Variants in MAPK4 observed in about 807,000 individuals in gnomAD.
The protein encoded by MAPK4 is mitogen-activated protein kinase 4.
A neutral mutation model predicts 47.7 loss-of-function variants in MAPK4; 22 were observed. The observed-to-expected ratio is 0.46, with a 90% CI of 0.33 to 0.66. The LOEUF (loss-of-function observed/expected upper bound fraction) is 0.66, where lower values mean the gene tolerates loss of function less well. Ranked by LOEUF, MAPK4 falls within the 30% of genes least tolerant of loss-of-function variation. The probability of loss-of-function intolerance (pLI) is 0.02; values close to 1 mark genes in which losing one functional copy is unlikely to be tolerated. For missense variants in MAPK4, 736 were observed against 831.7 expected, an observed-to-expected ratio of 0.88 and a Z score of 1.42; for synonymous variants, 390 against 365.7, an observed-to-expected ratio of 1.07 and a Z score of -0.76.
chr18:50,622,114 A>G (rs1303987295), intron 1 of MAPK4, among the ~76,000 whole-genome samples: 1 of 152,224 alleles, frequency 6.6e-6, no homozygotes, highest in Non-Finnish European at 1.5e-5. Context: ...GGACAAATCA[A>G]AAGTGGGTCA....
intron 1 of MAPK4, among the ~76,000 whole-genome samples, chr18:50,635,222 C>G (rs2042873368): frequency 6.6e-6 from 1 of 152,174 alleles, no homozygotes; most frequent in African/African-American, 2.4e-5. Context: ...GATTCTGAAA[C>G]CAAACCCAGA....
chr18:50,566,275 C>G (rs904576492), intron 1 of MAPK4, among the ~76,000 whole-genome samples: 4 of 152,146 alleles, frequency 2.6e-5, no homozygotes, highest in Non-Finnish European at 5.9e-5. Flanking sequence ...GAGTTGAGAC[C>G]TGTTTGGAGA....
chr18:50,624,770 C>T (rs2042761852), intron 1 of MAPK4, among the ~76,000 whole-genome samples: 1 of 151,932 alleles, frequency 6.6e-6, no homozygotes, highest in Admixed American at 6.6e-5. Context: ...TGTTTTAAGA[C>T]AGATCTCTTC....
chr18:50,567,827 A>T lies in MAPK4; in HGVS notation c.-871+7584A>T, dbSNP rs60238951. ...ATCTATTTGAGTGTAGTGTTTTTTT[A>T]AAAAAAAAAAATGACCTGTCATTTG... On this transcript the variant is annotated intron_variant, in intron 1 of 5. Transcript: ENST00000400384. Among the ~76,000 whole-genome samples the T allele has an allele frequency of 8.2e-3, 962 of 117,446 alleles. 8 individuals are homozygous for T. The highest frequency in any genetic ancestry group is 0.011 in the Admixed American group (136 of 12,578). The allele number at this position is 117,446 out of a possible 152,430, so 77.0% of individuals were successfully genotyped here.
At position 50,643,627 on chromosome 18, in the gene MAPK4, A is replaced by G. The variant is rs566345123; in HGVS notation, c.-870-19462A>G. 2.0e-4 allele frequency among the ~76,000 whole-genome samples: 31 copies of G among 152,348 alleles called. 1 individual carries two copies. The South Asian group carries it at 5.0e-3, about 24-fold the overall frequency. On this transcript the variant is annotated intron_variant, in intron 1 of 5. Coordinates refer to ENST00000400384, the MANE Select transcript of MAPK4 (RefSeq NM_002747.4). ...CCTCAGAACTGCCACTTGAGGCTTA[A>G]GAGGATGGAGATGGGAGGGAGAAGG...
intron 2 of MAPK4, among the ~76,000 whole-genome samples, chr18:50,674,505 C>A (rs185904207): frequency 6.6e-6 from 1 of 152,102 alleles, no homozygotes; most frequent in African/African-American, 2.4e-5. Context: ...TCGCCTCATC[C>A]GCTGCCACTC....
chr18:50,697,024 C>T (rs1909550660), intron 2 of MAPK4, among the ~76,000 whole-genome samples: 1 of 151,956 alleles, frequency 6.6e-6, no homozygotes, highest in South Asian at 2.1e-4. Flanking sequence ...GCAGCATCAG[C>T]ATCCCCTCGG....
At chr18:50,649,678 G>A (rs1197910392) in intron 1 of MAPK4, among the ~76,000 whole-genome samples, 1 of 152,188 alleles carries the variant, frequency 6.6e-6, no homozygotes, top group Non-Finnish European at 1.5e-5. Context: ...TGGGTTAAAG[G>A]CAATATCTAT....
At chr18:50,584,608 G>T (rs1371531672) in intron 1 of MAPK4, among the ~76,000 whole-genome samples, 1 of 152,232 alleles carries the variant, frequency 6.6e-6, no homozygotes, top group African/African-American at 2.4e-5. Flanking sequence ...TGCAGTGTTT[G>T]TCCTTGTGGC....
chr18:50,602,211 G>A (rs186061161), intron 1 of MAPK4, among the ~76,000 whole-genome samples: 15 of 152,250 alleles, frequency 9.9e-5, no homozygotes, highest in Non-Finnish European at 1.8e-4. Flanking sequence ...CAAGTACATC[G>A]TAGGTCCCAA....
chr18:50,639,115 C>T (rs764140627), intron 1 of MAPK4, among the ~76,000 whole-genome samples: 1 of 152,302 alleles, frequency 6.6e-6, no homozygotes, highest in Non-Finnish European at 1.5e-5. Flanking sequence ...TCAAAATGGC[C>T]TTGCTGTTTC....
At chr18:50,641,674 A>G (rs2042942387) in intron 1 of MAPK4, among the ~76,000 whole-genome samples, 1 of 152,214 alleles carries the variant, frequency 6.6e-6, no homozygotes, top group Non-Finnish European at 1.5e-5. Context: ...GTTTAAAAAA[A>G]GTTATTGTAC....
intron 2 of MAPK4, among the ~76,000 whole-genome samples, chr18:50,673,049 G>A (rs1210336916): frequency 6.6e-6 from 1 of 152,158 alleles, no homozygotes; most frequent in Non-Finnish European, 1.5e-5. Flanking sequence ...GGCCGAGGCA[G>A]GTGGATCACT....
At chr18:50,575,321 T>C (rs938987910) in intron 1 of MAPK4, among the ~76,000 whole-genome samples, 5 of 152,092 alleles carry the variant, frequency 3.3e-5, no homozygotes, top group African/African-American at 1.2e-4. Context: ...CTGTGAGAAA[T>C]AAATTTCTGT....
At chr18:50,644,143 T>G (rs2042966691) in intron 1 of MAPK4, among the ~76,000 whole-genome samples, 1 of 152,004 alleles carries the variant, frequency 6.6e-6, no homozygotes, top group African/African-American at 2.4e-5. Context: ...AAAGGACACT[T>G]TGCTTAGATA....
intron 1 of MAPK4, among the ~76,000 whole-genome samples, chr18:50,627,775 G>A (rs2144144617): frequency 6.6e-6 from 1 of 152,282 alleles, no homozygotes; most frequent in East Asian, 1.9e-4. Flanking sequence ...TCCCATGCCT[G>A]TGAGTTTGGA....
At chr18:50,606,610 G>C (rs77677368) in intron 1 of MAPK4, among the ~76,000 whole-genome samples, 1,577 of 152,296 alleles carry the variant, frequency 0.01, 27 homozygotes, top group African/African-American at 0.036. Context: ...AGGTGTGACT[G>C]TGTGACCTAC....
At chr18:50,608,775 G>A (rs986649710) in intron 1 of MAPK4, among the ~76,000 whole-genome samples, 7 of 151,994 alleles carry the variant, frequency 4.6e-5, no homozygotes, top group African/African-American at 1.4e-4. Flanking sequence ...CACAGAGGGG[G>A]ATTTGGCAGG....
At chr18:50,680,187 G>C (rs1598903625) in intron 2 of MAPK4, among the ~76,000 whole-genome samples, 1 of 137,076 alleles carries the variant, frequency 7.3e-6, no homozygotes, top group African/African-American at 2.8e-5. Flanking sequence ...CACCTCCTGG[G>C]TTCAAGCAAT....
Sources: allele counts gnomAD v4.1 joint callset (sites outside exome capture counted in the v4.1 genomes callset), GRCh38; gene constraint gnomAD v4.1.1; transcripts MANE v1.5; gene names NCBI Gene and HGNC (gene_info 2026-07-23, HGNC 2026-07-21).